Variants in CD36 observed in about 807,000 individuals in gnomAD.
The protein encoded by CD36 is platelet glycoprotein 4.
A neutral mutation model predicts 55.2 loss-of-function variants in CD36; 119 were observed. That is an observed-to-expected ratio of 2.15 (90% CI 1.86 to 2.51). The LOEUF (loss-of-function observed/expected upper bound fraction) is 2.51, where lower values mean the gene tolerates loss of function less well. Ranked by LOEUF, CD36 falls within the 30% of genes most tolerant of loss-of-function variation. The pLI is 0.00. For synonymous variants in CD36, 186 were observed against 193.6 expected (o/e 0.96, Z 0.33); for missense variants, 819 against 555.5 (o/e 1.47, Z -4.77).
At chr7:80,621,705 A>G (rs1216978060) in intron 1 of CD36, among the ~76,000 whole-genome samples, 1 of 152,262 alleles carries the variant, frequency 6.6e-6, no homozygotes, top group Non-Finnish European at 1.5e-5. Flanking sequence ...TCATACTAGT[A>G]ACAGGCCACT....
At chr7:80,614,597 G>A (rs1217777107) in intron 1 of CD36, among the ~76,000 whole-genome samples, 1 of 151,928 alleles carries the variant, frequency 6.6e-6, no homozygotes, top group Non-Finnish European at 1.5e-5. Flanking sequence ...CTTAATCTTT[G>A]CTTCTTCTTC....
At chr7:80,662,376 G>T in intron 5 of CD36, 1 of 211,520 alleles carries the variant, frequency 4.7e-6, no homozygotes, top group South Asian at 8.9e-5. Context: ...CCCCAACCTG[G>T]GACACCGGGG....
At chr7:80,629,884 A>C (rs1793975098) in intron 1 of CD36, among the ~76,000 whole-genome samples, 1 of 130,534 alleles carries the variant, frequency 7.7e-6, no homozygotes, top group Admixed American at 8.8e-5. Context: ...GAGACTGATA[A>C]ATTCAATAGT....
At chr7:80,620,272 C>A (rs763406894) in intron 1 of CD36, among the ~76,000 whole-genome samples, 2 of 152,042 alleles carry the variant, frequency 1.3e-5, no homozygotes, top group African/African-American at 4.8e-5. Flanking sequence ...CCACAGGTTG[C>A]GAGCTTAGTC....
chr7:80,667,742 C>G (rs369642400), intron 8 of CD36, among the ~76,000 whole-genome samples: 20 of 92,958 alleles, frequency 2.2e-4, no homozygotes, highest in African/African-American at 7.7e-4. Flanking sequence ...CAGGGGTTTT[C>G]TTTTGTTTTT....
At chr7:80,647,630 A>G (rs1795271961) in intron 3 of CD36, among the ~76,000 whole-genome samples, 1 of 152,154 alleles carries the variant, frequency 6.6e-6, no homozygotes, top group Admixed American at 6.6e-5. Flanking sequence ...GAATAAAGGG[A>G]AGCAGTTCTG....
chr7:80,628,957 A>G (rs1356619321), intron 1 of CD36, among the ~76,000 whole-genome samples: 11 of 152,082 alleles, frequency 7.2e-5, no homozygotes, highest in African/African-American at 2.7e-4. Context: ...CAATCAGATA[A>G]GCTTTTATCT....
chr7:80,660,873 C>A (rs371071493), intron 4 of CD36, among the ~76,000 whole-genome samples, 190 bp from the exon 5 acceptor site: 1 of 152,066 alleles, frequency 6.6e-6, no homozygotes, highest in African/African-American at 2.4e-5. Flanking sequence ...TCCAGTTTGC[C>A]AGTTTAAGAC....
At chr7:80,657,737 G>C (rs530678440) in intron 4 of CD36, among the ~76,000 whole-genome samples, 1 of 152,044 alleles carries the variant, frequency 6.6e-6, no homozygotes, top group East Asian at 1.9e-4. Context: ...ATATATTTAT[G>C]GTATCCATAT....
intron 1 of CD36, among the ~76,000 whole-genome samples, chr7:80,624,614 G>A (rs1442833367): frequency 6.6e-6 from 1 of 151,918 alleles, no homozygotes; most frequent in Non-Finnish European, 1.5e-5. Context: ...TTTATTCTTA[G>A]GAATATATAT....
In CD36 at chr7:80,678,917, A is replaced by G. The variant is rs1478947838; in HGVS notation, c.*2534A>G. 1.3e-5 allele frequency: 2 copies of G among 151,334 alleles called. No homozygotes were observed. The highest frequency in any genetic ancestry group is 1.3e-4 in the Admixed American group (2 of 15,162). The allele number at this position is 151,334 out of a possible 1,614,324, so 9.4% of individuals were successfully genotyped here. A position where few individuals can be genotyped will look rare whatever the true frequency, so the allele number is the denominator to read the frequency against. On this transcript the variant is annotated 3_prime_UTR_variant, in exon 15 of 15. Coordinates refer to ENST00000447544, the MANE Select transcript of CD36 (RefSeq NM_001001548.3). ...GTCTGAGCTACATAATTATCTTTCT[A>G]GTTGGAGTTTGTTTTAGGTGTGTAC...
At chr7:80,672,871 ATATGATCTGTAG>A in intron 12 of CD36, 28 bp downstream of exon 12, 1 of 1,448,556 alleles carries the variant, frequency 6.9e-7, no homozygotes, top group Non-Finnish European at 9.7e-7. Flanking sequence ...GGTTATTTTG[ATATGATCTGTAG>A]TATCGTAGTA....
chr7:80,646,729 T>C lies in CD36; in HGVS notation c.-12T>C, dbSNP rs770274146. ...AGGTGCTTAACACTAATTCACCTCCTGAACAAGAAAAATGGGCTGTGACCG... is the reference window on the plus strand; with the variant it reads ...AGGTGCTTAACACTAATTCACCTCCCGAACAAGAAAAATGGGCTGTGACCG... On this transcript the variant is annotated 5_prime_UTR_variant, in exon 3 of 15. Coordinates refer to ENST00000447544, the MANE Select transcript of CD36 (RefSeq NM_001001548.3). The C allele has an allele frequency of 6.2e-7, 1 of 1,613,848 alleles. No homozygotes were observed. The highest frequency in any genetic ancestry group is 1.1e-5 in the South Asian group (1 of 91,078).
At chr7:80,642,371 A>G (rs1477625218) in intron 1 of CD36, among the ~76,000 whole-genome samples, 1 of 152,136 alleles carries the variant, frequency 6.6e-6, no homozygotes, top group Non-Finnish European at 1.5e-5. Flanking sequence ...GCATAACCCA[A>G]ATTTTTTTAT....
chr7:80,657,791 T>C (rs1416917558), intron 4 of CD36, among the ~76,000 whole-genome samples: 1 of 152,234 alleles, frequency 6.6e-6, no homozygotes, highest in Non-Finnish European at 1.5e-5. Context: ...TACCTAAATG[T>C]GTATTTTCCC....
intron 1 of CD36, chr7:80,624,064 G>C (rs1279045497): frequency 1.3e-5 from 2 of 152,180 alleles, no homozygotes; most frequent in Non-Finnish European, 1.5e-5. Context: ...GTACAGCAGT[G>C]ATTTGACCCA....
intron 3 of CD36, chr7:80,647,244 T>C (rs1363205261): frequency 3.9e-6 from 1 of 255,794 alleles, no homozygotes; most frequent in Non-Finnish European, 7.5e-6. Flanking sequence ...TAGTTAATAC[T>C]GAGAAAAGTA....
intron 1 of CD36, chr7:80,623,940 T>A (rs1014609889): frequency 6.6e-6 from 1 of 151,966 alleles, no homozygotes; most frequent in Non-Finnish European, 1.5e-5. Flanking sequence ...GCTGGAGAGG[T>A]TAACAAACAC....
intron 3 of CD36, 80 bp downstream of exon 3, chr7:80,646,940 T>C: frequency 6.7e-7 from 1 of 1,491,632 alleles, no homozygotes; most frequent in Non-Finnish European, 9.3e-7. Flanking sequence ...TTACCTGCTT[T>C]ATATTTCATG....
Sources: gnomAD v4.1 joint callset for allele counts (sites outside exome capture counted in the v4.1 genomes callset) on GRCh38, gnomAD v4.1.1 for gene constraint, MANE v1.5 for transcripts, NCBI Gene and HGNC (gene_info 2026-07-23, HGNC 2026-07-21) for gene names.